Variants in NCBP3 observed in about 807,000 individuals in gnomAD.
The protein encoded by NCBP3 is nuclear cap binding subunit 3, also known as nuclear cap-binding protein subunit 3.
Under a neutral mutation model 75.7 loss-of-function variants are expected in NCBP3, and 20 were observed. The observed-to-expected ratio is 0.26, with a 90% CI of 0.19 to 0.38. NCBP3 has a LOEUF of 0.38. Among genes scored for constraint, NCBP3 ranks in the 10% least tolerant of loss-of-function variants. The pLI is 1.00. For synonymous variants in NCBP3, 293 were observed against 290.5 expected (o/e 1.01, Z -0.09); for missense variants, 678 against 796.9 (o/e 0.85, Z 1.80).
Position 3,846,185 on chromosome 17 carries a change from C to A in NCBP3, c.39G>T (p.Ala13=), listed in dbSNP as rs1451284625. 2.6e-6 allele frequency: 4 copies of A among 1,513,718 alleles called. No individual in the cohort carries two copies. In the Admixed American group the frequency reaches 8.7e-5, roughly 33 times the overall value. The allele number at this position is 1,513,718 out of a possible 1,614,324, so 93.8% of individuals were successfully genotyped here. A position where few individuals can be genotyped will look rare whatever the true frequency, so the allele number is the denominator to read the frequency against. Residue 13 remains alanine (A), a synonymous_variant, in exon 1 of 13, where the codon GCG becomes GCT. Transcript: ENST00000389005. This position sits in a 1 kb window ranked among gnomAD's most constrained non-coding sequence, Gnocchi z 4.6. The part of the protein sequence containing the change: ...AVRGLRVSVK[A]EAPAGPALGL... Reference sequence around the variant, plus strand: ...CCAGGGCCGGCCCCGCCGGGGCCTCCGCCTTCACCGACACCCGCAGGCCCC... The same window carrying A: ...CCAGGGCCGGCCCCGCCGGGGCCTCAGCCTTCACCGACACCCGCAGGCCCC...
At chr17:3,823,212 G>A (rs1164634024) in intron 7 of NCBP3, among the ~76,000 whole-genome samples, 5 of 152,170 alleles carry the variant, frequency 3.3e-5, no homozygotes, top group African/African-American at 1.2e-4. Flanking sequence ...TAGGGAAGCT[G>A]AGACAGGAGA....
rs142117797 is a variant in NCBP3 at position 3,804,613 on chromosome 17, A to C, written c.*8431T>G. On this transcript the variant is annotated 3_prime_UTR_variant, in exon 13 of 13. Transcript: ENST00000389005. ...TCAAAAGCACTGAGGCACAGCCTTC[A>C]GACACAGGAAATGGTTCTATTCTCC... 11 of 152,386 alleles carry C rather than the reference A, an allele frequency of 7.2e-5. No homozygotes were observed. Among genetic ancestry groups the C allele is most frequent in the African/African-American group, 2.6e-4 (11 of 41,576 alleles). 9.4% of individuals were successfully genotyped at this position (152,386 alleles called of 1,614,324 possible).
intron 3 of NCBP3, among the ~76,000 whole-genome samples, chr17:3,838,594 C>G (rs75843007): frequency 1.8e-4 from 28 of 152,288 alleles, no homozygotes; most frequent in African/African-American, 6.5e-4. Context: ...TGAGGAGGGA[C>G]GCAATATCAG....
intron 9 of NCBP3, among the ~76,000 whole-genome samples, chr17:3,820,294 T>C (rs1256531207): frequency 6.6e-6 from 1 of 152,150 alleles, no homozygotes; most frequent in Admixed American, 6.5e-5. Flanking sequence ...CAATTTTGTA[T>C]ATACACATTA....
In NCBP3 at chr17:3,821,246, T is replaced by C. The variant is rs1382120279; in HGVS notation, c.1000+3A>G. Reference sequence around the variant, plus strand: ...TCTACCCAAGAGCTGAGCAGGCAACTACCAGAATGTCGATGTTTATACGAC... The same window carrying C: ...TCTACCCAAGAGCTGAGCAGGCAACCACCAGAATGTCGATGTTTATACGAC... On this transcript the variant is annotated splice_donor_region_variant and intron_variant, in intron 9 of 12. Transcript: ENST00000389005. 1.2e-6 allele frequency: 2 copies of C among 1,609,640 alleles called. No homozygotes were observed. Among genetic ancestry groups the C allele is most frequent in the East Asian group, 2.2e-5 (1 of 44,854 alleles).
chr17:3,824,880 T>C, intron 7 of NCBP3, 62 bp downstream of exon 7: 1 of 874,758 alleles, frequency 1.1e-6, no homozygotes, highest in Non-Finnish European at 1.7e-6. Context: ...AAAAGAAGGA[T>C]GTCACTCCAT....
At chr17:3,843,520 C>T (rs1348958729) in intron 1 of NCBP3, among the ~76,000 whole-genome samples, 1 of 152,188 alleles carries the variant, frequency 6.6e-6, no homozygotes, top group African/African-American at 2.4e-5. Context: ...ATGTGTGAGT[C>T]ATCACAACCA....
chr17:3,834,357 A>C (rs1010172214), intron 3 of NCBP3, among the ~76,000 whole-genome samples: 1 of 152,238 alleles, frequency 6.6e-6, no homozygotes, highest in Non-Finnish European at 1.5e-5. Context: ...CGGGGTTTGG[A>C]TGGTAGACCG....
intron 3 of NCBP3, among the ~76,000 whole-genome samples, chr17:3,830,723 G>C (rs2053862207): frequency 6.6e-6 from 1 of 152,044 alleles, no homozygotes; most frequent in South Asian, 2.1e-4. Flanking sequence ...CAGTAGCTGG[G>C]ACTATAGGAG....
intron 3 of NCBP3, among the ~76,000 whole-genome samples, chr17:3,833,868 T>C (rs570966080): frequency 1.3e-4 from 20 of 152,338 alleles, no homozygotes; most frequent in Admixed American, 1.3e-4. Context: ...GTCTCCCTAA[T>C]GTTTTCTCCC....
rs554584419 is a variant in NCBP3, at chr17:3,805,080, C to G, written c.*7964G>C. ...CTCCTGGGTTCAAGCGATTCTCCTG[C>G]CTCAGCCTCCCGAGTAGCTGGGACT... On this transcript the variant is annotated 3_prime_UTR_variant, in exon 13 of 13. Coordinates refer to ENST00000389005, the MANE Select transcript of NCBP3 (RefSeq NM_001114118.3). 2 of 152,478 alleles carry G rather than the reference C, an allele frequency of 1.3e-5. No homozygotes were observed. The highest frequency in any genetic ancestry group is 4.1e-4 in the South Asian group (2 of 4,824). 9.4% of individuals were successfully genotyped at this position (152,478 alleles called of 1,614,324 possible). A position where few individuals can be genotyped will look rare whatever the true frequency, so the allele number is the denominator to read the frequency against.
chr17:3,835,344 C>T (rs1020225479), intron 3 of NCBP3, among the ~76,000 whole-genome samples: 23 of 152,204 alleles, frequency 1.5e-4, no homozygotes, highest in South Asian at 4.1e-4. Context: ...ACAGAGACAA[C>T]GGTGAGGAAC....
intron 2 of NCBP3, 73 bp from the exon 3 acceptor site, chr17:3,840,278 C>A: frequency 8.4e-7 from 1 of 1,191,290 alleles, no homozygotes; most frequent in Non-Finnish European, 1.2e-6. Flanking sequence ...CATCATGATG[C>A]ATCAGTGACA....
chr17:3,843,916 C>G (rs1030469832), intron 1 of NCBP3, among the ~76,000 whole-genome samples: 9 of 152,138 alleles, frequency 5.9e-5, no homozygotes, highest in Non-Finnish European at 1.2e-4. Flanking sequence ...ATTAAGAAGC[C>G]CCATCCTAGT....
intron 3 of NCBP3, among the ~76,000 whole-genome samples, chr17:3,836,055 G>T (rs984936131): frequency 6.6e-6 from 1 of 152,186 alleles, no homozygotes; most frequent in African/African-American, 2.4e-5. Context: ...CTGTTGAAAG[G>T]ATCAGTTAAT....
At position 3,843,123 on chromosome 17, in the gene NCBP3, G is replaced by C; in HGVS notation, c.212C>G (p.Ala71Gly). 1.3e-6 allele frequency: 2 copies of C among 1,551,600 alleles called. No homozygotes were observed. Among genetic ancestry groups the C allele is most frequent in the Non-Finnish European group, 1.7e-6 (2 of 1,146,952 alleles). The change falls in exon 2 of 13, where the codon GCT (alanine) becomes GGT (glycine). Residue 71 changes from alanine (A) to glycine (G), a missense_variant. By Grantham distance (60) the Ala-to-Gly change is moderately conservative. Coordinates refer to ENST00000389005, the MANE Select transcript of NCBP3 (RefSeq NM_001114118.3). ...PDTSRRYENK[A>G]GSFITGIDVT... is the part of the protein sequence containing the mutation. ...ATCAATTCCAGTGATGAAGCTGCCAGCCTTGTTTTCATATCTTCTGCTCGT... is the reference window on the plus strand; with the variant it reads ...ATCAATTCCAGTGATGAAGCTGCCACCCTTGTTTTCATATCTTCTGCTCGT...
At position 3,813,176 on chromosome 17, in the gene NCBP3, C is replaced by G; in HGVS notation, c.1731G>C (p.Leu577=). Residue 577 remains leucine, a synonymous_variant, in exon 13 of 13, where the codon CTG becomes CTC. Transcript: ENST00000389005. Reference sequence around the variant, plus strand: ...TAATCAGAGCCCCCCATGCCCTTTGCAGCTCAGAGTCGTCTTCCTCAGCGC... The same window carrying G: ...TAATCAGAGCCCCCCATGCCCTTTGGAGCTCAGAGTCGTCTTCCTCAGCGC... ...APGAEEDDSE[L]QRAWGALIKE... 2 of 1,614,280 alleles carry G rather than the reference C, an allele frequency of 1.2e-6. No individual in the cohort carries two copies. Among genetic ancestry groups the G allele is most frequent in the African/African-American group, 2.7e-5 (2 of 75,074 alleles).
chr17:3,822,133 T>A (rs192458676), intron 7 of NCBP3, 81 bp from the exon 8 acceptor site: 2 of 965,468 alleles, frequency 2.1e-6, no homozygotes, highest in African/African-American at 1.6e-5. Flanking sequence ...ATGTTTTCCA[T>A]AGCTGGAATC....
chr17:3,814,260 T>A (rs1380438304), intron 12 of NCBP3, 62 bp downstream of exon 12: 1 of 1,535,486 alleles, frequency 6.5e-7, no homozygotes, highest in Non-Finnish European at 8.9e-7. Flanking sequence ...ATTTCTCCAA[T>A]ACACCCACTG....
Sources: allele counts gnomAD v4.1 joint callset (sites outside exome capture counted in the v4.1 genomes callset), GRCh38; gene constraint gnomAD v4.1.1; non-coding constraint Gnocchi (gnomAD v3.1); transcripts MANE v1.5; gene names NCBI Gene and HGNC (gene_info 2026-07-23, HGNC 2026-07-21).